The following DHX57 variants were observed in gnomAD, a reference collection of about 807,000 sequenced individuals.
DHX57 encodes the protein putative ATP-dependent RNA helicase DHX57.
DHX57 carries 105 observed loss-of-function variants against 156.2 expected under a neutral mutation model. The ratio of observed to expected loss-of-function variants is 0.67; its 90% CI spans 0.57 to 0.79. The LOEUF is 0.79. Ranked by LOEUF, DHX57 falls within the 30% of genes least tolerant of loss-of-function variation. The pLI is 0.00. For missense variants in DHX57, 1,847 were observed against 1,661.9 expected (o/e 1.11, Z -1.94); for synonymous variants, 704 against 595.6 (o/e 1.18, Z -2.65).
chr2:38,805,535 G>C (rs527461096), intron 22 of DHX57, among the ~76,000 whole-genome samples: 3 of 152,262 alleles, frequency 2.0e-5, no homozygotes, highest in Admixed American at 6.5e-5. Flanking sequence ...AATGATGTTT[G>C]GGGTTTGAGC....
At chr2:38,826,436 T>A in intron 15 of DHX57, 80 bp downstream of exon 15, 1 of 1,482,680 alleles carries the variant, frequency 6.7e-7, no homozygotes, top group Non-Finnish European at 9.2e-7. Context: ...TGTAGCTTAA[T>A]AGCATTAGCC....
At chr2:38,867,361 T>C (rs1665135264) in intron 2 of DHX57, 1 of 152,248 alleles carries the variant, frequency 6.6e-6, no homozygotes, top group Admixed American at 6.5e-5. Flanking sequence ...AAACATTTAC[T>C]TTTATTAAAT....
intron 12 of DHX57, among the ~76,000 whole-genome samples, chr2:38,842,536 T>C (rs939231230): frequency 1.3e-5 from 2 of 152,006 alleles, no homozygotes; most frequent in Non-Finnish European, 2.9e-5. Context: ...TAAAGGAGCA[T>C]CATATCTGTA....
rs939796543 is a variant in DHX57 at position 38,875,852 on chromosome 2, A to G, written c.-72T>C. The G allele has an allele frequency of 4.6e-5, 18 of 394,420 alleles. No individual in the cohort carries two copies. Among genetic ancestry groups the G allele is most frequent in the African/African-American group, 3.3e-4 (16 of 48,504 alleles). The allele number at this position is 394,420 out of a possible 1,614,324, so 24.4% of individuals were successfully genotyped here. A position where few individuals can be genotyped will look rare whatever the true frequency, so the allele number is the denominator to read the frequency against. ...TGCTGCCCAAGGGTCAGAGGTCCAA[A>G]CTGGACTTGGCCACCCTCACGATTC... On this transcript the variant is annotated 5_prime_UTR_variant, in exon 1 of 24. Coordinates refer to ENST00000457308, the MANE Select transcript of DHX57 (RefSeq NM_198963.3).
rs570561927 is a variant in DHX57, at chr2:38,861,300, C to G, written c.1110G>C (p.Pro370=). 2 of 1,614,052 alleles carry G rather than the reference C, an allele frequency of 1.2e-6. No homozygotes were observed. Among genetic ancestry groups the G allele is most frequent in the Non-Finnish European group, 1.7e-6 (2 of 1,180,020 alleles). ...CATTGGTGGAATAAAATGCCACGAG[C>G]GGAGCTTGGTAGGGATATTTGTGGT... The part of the protein sequence containing the change: ...SKDHKYPYQA[P]LVAFYSTNEN... Residue 370 remains proline, a synonymous_variant, in exon 5 of 24, where the codon CCG becomes CCC. Transcript: ENST00000457308.
At chr2:38,862,547 C>A in intron 3 of DHX57, 1 of 377,682 alleles carries the variant, frequency 2.6e-6, no homozygotes, top group Non-Finnish European at 4.6e-6. Context: ...TTTATATGAA[C>A]TAACTCCTTT....
chr2:38,870,675 C>T (rs768239950), intron 1 of DHX57, among the ~76,000 whole-genome samples: 9 of 152,058 alleles, frequency 5.9e-5, no homozygotes, highest in Non-Finnish European at 1.2e-4. Context: ...GTCAGGAGAT[C>T]GAGACCATCT....
At chr2:38,840,092 C>A (rs766639878) in intron 12 of DHX57, among the ~76,000 whole-genome samples, 5 of 151,972 alleles carry the variant, frequency 3.3e-5, no homozygotes, top group Non-Finnish European at 5.9e-5. Flanking sequence ...ACTATAGGTG[C>A]ACACCACCAC....
chr2:38,860,888 T>G (rs544411460), intron 5 of DHX57, 111 bp downstream of exon 5: 1 of 897,062 alleles, frequency 1.1e-6, no homozygotes, highest in East Asian at 2.6e-5. Context: ...ACTTAATGGC[T>G]TGTTCAGCTT....
At chr2:38,804,876 C>G (rs1379661183) in intron 22 of DHX57, among the ~76,000 whole-genome samples, 2 of 152,188 alleles carry the variant, frequency 1.3e-5, no homozygotes, top group Non-Finnish European at 2.9e-5. Flanking sequence ...GGCCCCTCTC[C>G]TGTCACTCTC....
intron 23 of DHX57, among the ~76,000 whole-genome samples, chr2:38,802,178 G>A (rs577895573): frequency 1.3e-3 from 198 of 151,964 alleles, no homozygotes; most frequent in Non-Finnish European, 1.8e-3. Context: ...ACCTCAGCCC[G>A]TACCAGACTT....
chr2:38,825,256 T>C (rs554061083), intron 16 of DHX57, among the ~76,000 whole-genome samples: 24 of 152,198 alleles, frequency 1.6e-4, no homozygotes, highest in Non-Finnish European at 3.1e-4. Flanking sequence ...AAGACGTGAA[T>C]TGACAGTAAT....
chr2:38,808,780 A>C (rs1670084780), intron 21 of DHX57, among the ~76,000 whole-genome samples: 2 of 152,070 alleles, frequency 1.3e-5, no homozygotes, highest in African/African-American at 4.8e-5. Context: ...TCAAACAACT[A>C]TTTATTTATT....
chr2:38,837,954 G>A lies in DHX57; in HGVS notation c.2426-7C>T. 6.4e-7 allele frequency: 1 copy of A among 1,559,328 alleles called. No individual in the cohort carries two copies. Among genetic ancestry groups the A allele is most frequent in the Non-Finnish European group, 8.8e-7 (1 of 1,130,770 alleles). On this transcript the variant is annotated splice_polypyrimidine_tract_variant and splice_region_variant and intron_variant, in intron 12 of 23. Transcript: ENST00000457308. Reference sequence around the variant, plus strand: ...ATGACTGACTTGCTAACCCCTGAAAGAAAGAAAGGTAAAAATGAGAAGGAT... The same window carrying A: ...ATGACTGACTTGCTAACCCCTGAAAAAAAGAAAGGTAAAAATGAGAAGGAT...
rs1241191887 is a variant in DHX57, at chr2:38,823,243, G to C, written c.3041C>G (p.Ala1014Gly). 1 of 1,613,562 alleles carries C rather than the reference G, an allele frequency of 6.2e-7. No homozygotes were observed. The highest frequency in any genetic ancestry group is 8.5e-7 in the Non-Finnish European group (1 of 1,179,734). Residue 1014 changes from alanine to glycine, a missense_variant, in exon 17 of 24, where the codon GCT (alanine) becomes GGT (glycine). Ala to Gly is a moderately conservative substitution (Grantham distance 60). Coordinates refer to ENST00000457308, the MANE Select transcript of DHX57 (RefSeq NM_198963.3). The stretch of plus-strand genomic sequence containing the variant: ...AGAGAACACAGACTGGAGATTATGA[G>C]CACTAAACATCTCTAAAATTTTAAT... ...LRIKILEMFS[A>G]HNLQSVFSRL...
chr2:38,852,476 T>C (rs1381110230), intron 9 of DHX57, among the ~76,000 whole-genome samples: 2 of 151,978 alleles, frequency 1.3e-5, no homozygotes, highest in African/African-American at 4.8e-5. Context: ...TTCATAATTT[T>C]CACAGGACTT....
intron 5 of DHX57, among the ~76,000 whole-genome samples, chr2:38,859,732 G>A (rs1673089675): frequency 1.3e-5 from 2 of 151,652 alleles, no homozygotes; most frequent in African/African-American, 2.4e-5. Flanking sequence ...TCTACTCATT[G>A]AAGTTTACCC....
At chr2:38,822,857 A>T in intron 17 of DHX57, 136 bp downstream of exon 17, 1 of 851,600 alleles carries the variant, frequency 1.2e-6, no homozygotes, top group Non-Finnish European at 1.8e-6. Context: ...TCCCATGCAG[A>T]TGTGCCCTAA....
chr2:38,850,996 G>A (rs935312778), intron 9 of DHX57, among the ~76,000 whole-genome samples: 1 of 152,020 alleles, frequency 6.6e-6, no homozygotes, highest in African/African-American at 2.4e-5. Context: ...AGGATCGCTT[G>A]AACCTGGGAG....
Sources: allele counts gnomAD v4.1 joint callset (sites outside exome capture counted in the v4.1 genomes callset), GRCh38; gene constraint gnomAD v4.1.1; transcripts MANE v1.5; gene names NCBI Gene and HGNC (gene_info 2026-07-23, HGNC 2026-07-21).